MYO16: variants seen among roughly 807,000 people sequenced by gnomAD.
The protein encoded by MYO16 is unconventional myosin-XVI.
A neutral mutation model predicts 205.3 loss-of-function variants in MYO16; 94 were observed. The observed-to-expected ratio is 0.46, with a 90% confidence interval of 0.39 to 0.54. The LOEUF (loss-of-function observed/expected upper bound fraction) is 0.54. Ranked by LOEUF, MYO16 falls within the 20% of genes least tolerant of loss-of-function variation. MYO16 has a pLI of 0.00. For missense variants in MYO16, 2,315 were observed against 2,387.5 expected, an observed-to-expected ratio of 0.97 and a Z score of 0.63; for synonymous variants, 988 against 954.0, an observed-to-expected ratio of 1.04 and a Z score of -0.66.
At chr13:108,926,112 C>G (rs1881988545) in intron 16 of MYO16, among the ~76,000 whole-genome samples, 1 of 152,190 alleles carries the variant, frequency 6.6e-6, no homozygotes, top group Admixed American at 6.5e-5. Flanking sequence ...ATTTTCAGAT[C>G]TCTACTCAGA....
intron 23 of MYO16, among the ~76,000 whole-genome samples, chr13:109,044,585 A>G (rs1251409138): frequency 6.6e-6 from 1 of 152,212 alleles, no homozygotes; most frequent in Non-Finnish European, 1.5e-5. Flanking sequence ...AGAAGAAATT[A>G]TCTCAACTTC....
chr13:108,817,967 A>T (rs1875724362), intron 7 of MYO16, among the ~76,000 whole-genome samples: 1 of 152,214 alleles, frequency 6.6e-6, no homozygotes, highest in Non-Finnish European at 1.5e-5. Flanking sequence ...ACATAAAGAA[A>T]GTGGTGGTAA....
chr13:108,661,775 C>G (rs947862232), intron 1 of MYO16, among the ~76,000 whole-genome samples: 1 of 152,070 alleles, frequency 6.6e-6, no homozygotes, highest in African/African-American at 2.4e-5. Flanking sequence ...CTTCTGATTT[C>G]TTTTTCAGGT....
rs72654075 is a variant in MYO16, at chr13:108,991,480, C to T, written c.2370-896C>T. The stretch of plus-strand genomic sequence containing the variant: ...AACTTTTAAAGTGACTAAATTTGAT[C>T]CATCAAAGAACATGCATGTGACTTA... On this transcript the variant is annotated intron_variant, in intron 20 of 34. Coordinates refer to ENST00000457511, the MANE Select transcript of MYO16 (RefSeq NM_001198950.3). Among the ~76,000 whole-genome samples the T allele has an allele frequency of 4.0e-3, 605 of 152,308 alleles. 1 individual carries two copies. The highest frequency in any genetic ancestry group is 7.0e-3 in the Non-Finnish European group (475 of 68,008).
At chr13:109,024,688 T>G (rs1180000235) in intron 23 of MYO16, among the ~76,000 whole-genome samples, 2 of 152,112 alleles carry the variant, frequency 1.3e-5, no homozygotes, top group African/African-American at 4.8e-5. Context: ...ACCTTAATTT[T>G]TTAAGCAAGA....
intron 2 of MYO16, among the ~76,000 whole-genome samples, chr13:108,684,873 C>T (rs544104646): frequency 4.6e-5 from 7 of 152,286 alleles, no homozygotes; most frequent in Non-Finnish European, 7.4e-5. Context: ...GCCCCAGACC[C>T]GCCTTATGTG....
At chr13:109,080,492 G>C (rs995036268) in intron 27 of MYO16, among the ~76,000 whole-genome samples, 1 of 151,768 alleles carries the variant, frequency 6.6e-6, no homozygotes, top group Non-Finnish European at 1.5e-5. Flanking sequence ...AATATCTTGG[G>C]TTAGGAGCTT....
chr13:108,953,569 G>GT lies in MYO16; in HGVS notation c.1926-4106dup, dbSNP rs544288739. On this transcript the variant is annotated intron_variant, in intron 16 of 34. Coordinates refer to ENST00000457511, the MANE Select transcript of MYO16 (RefSeq NM_001198950.3). ...TAAAGATTTAAATGTTTTGAGTTTTGTTTTTTTTTTTTTAGAAATTGTCAA... is the reference window on the plus strand; with the variant it reads ...TAAAGATTTAAATGTTTTGAGTTTTGTTTTTTTTTTTTTTAGAAATTGTCAA... Among the ~76,000 whole-genome samples, 1,024 of 132,110 alleles carry GT rather than the reference G, an allele frequency of 7.8e-3. 1 individual carries two copies. The highest frequency in any genetic ancestry group is 0.032 in the South Asian group (132 of 4,078). The allele number at this position is 132,110 out of a possible 152,430, so 86.7% of individuals were successfully genotyped here.
intron 1 of MYO16, among the ~76,000 whole-genome samples, chr13:108,624,070 A>T (rs1424909570): frequency 6.6e-6 from 1 of 152,186 alleles, no homozygotes; most frequent in Non-Finnish European, 1.5e-5. Flanking sequence ...AAAGAGGCAT[A>T]TTTTGTTTAA....
intron 22 of MYO16, among the ~76,000 whole-genome samples, chr13:109,014,638 T>G (rs1377851463): frequency 6.6e-6 from 1 of 152,212 alleles, no homozygotes; most frequent in Non-Finnish European, 1.5e-5. Context: ...CCTCTTTTAT[T>G]TCATTGAGCA....
intron 2 of MYO16, among the ~76,000 whole-genome samples, chr13:108,682,059 C>A (rs1321334713): frequency 6.6e-6 from 1 of 152,164 alleles, no homozygotes; most frequent in Non-Finnish European, 1.5e-5. Flanking sequence ...GTTTCAGTAA[C>A]CCCCACCACG....
chr13:108,835,302 C>T (rs1335575032), intron 9 of MYO16, among the ~76,000 whole-genome samples: 1 of 152,146 alleles, frequency 6.6e-6, no homozygotes, highest in Non-Finnish European at 1.5e-5. Context: ...TCTGGCATTT[C>T]CCCCTGCTGG....
rs193018154 is a variant in MYO16 at position 108,599,788 on chromosome 13, A to G, written c.-39+3549A>G. On this transcript the variant is annotated intron_variant, in intron 1 of 24. Coordinates refer to the MYO16 transcript ENST00000251041. ...TATAATTTTCTGTCTGTCTCACAAA[A>G]CTCACATGCTTTCCCAGTTTTGGGT... 2.1e-4 allele frequency among the ~76,000 whole-genome samples: 32 copies of G among 152,228 alleles called. No homozygotes were observed. In the East Asian group the frequency reaches 5.4e-3, roughly 26 times the overall value.
Position 108,793,717 on chromosome 13 carries a change from A to G in MYO16, c.741+77A>G, listed in dbSNP as rs181583162. 9,208 of 1,401,028 alleles carry G rather than the reference A, an allele frequency of 6.6e-3. 50 individuals carry two copies. Among genetic ancestry groups the G allele is most frequent in the Admixed American group, 8.0e-3 (372 of 46,326 alleles). The allele number at this position is 1,401,028 out of a possible 1,614,324, so 86.8% of individuals were successfully genotyped here. Reference sequence around the variant, plus strand: ...ATCTATAAAACATAGAATTCATTAAATTAACCTTTAAATAATTGTTGTGAT... The same window carrying G: ...ATCTATAAAACATAGAATTCATTAAGTTAACCTTTAAATAATTGTTGTGAT... On this transcript the variant is annotated intron_variant, in intron 6 of 34. Transcript: ENST00000457511.
chr13:108,551,220 C>T, the MYO16 span, among the ~76,000 whole-genome samples: 702 of 152,228 alleles, frequency 4.6e-3, 6 homozygotes, highest in African/African-American at 0.016. Flanking sequence ...TCAAGTATAC[C>T]TAGTAACTTC....
At chr13:109,004,990 T>G (rs2139469988) in intron 21 of MYO16, among the ~76,000 whole-genome samples, 1 of 152,266 alleles carries the variant, frequency 6.6e-6, no homozygotes, top group South Asian at 2.1e-4. Context: ...CACTTAAAGG[T>G]TTAAAAGGTA....
chr13:109,012,359 C>T (rs1008642740), intron 22 of MYO16, among the ~76,000 whole-genome samples: 8 of 152,086 alleles, frequency 5.3e-5, no homozygotes, highest in South Asian at 2.1e-4. Context: ...GGCATCTCAC[C>T]GCCTGAGCTC....
At chr13:108,955,578 G>C (rs1244270187) in intron 16 of MYO16, among the ~76,000 whole-genome samples, 1 of 152,202 alleles carries the variant, frequency 6.6e-6, no homozygotes, top group Non-Finnish European at 1.5e-5. Flanking sequence ...TCTCCAGCCA[G>C]GCGCGGTGGC....
At chr13:108,628,775 T>G (rs1879845584), upstream of MYO16, among the ~76,000 whole-genome samples, 1 of 152,168 alleles carries the variant, frequency 6.6e-6, no homozygotes. Context: ...GAAGGATGGG[T>G]GCACTTAACA....
Sources: gnomAD v4.1 joint callset for allele counts (sites outside exome capture counted in the v4.1 genomes callset) on GRCh38, gnomAD v4.1.1 for gene constraint, MANE v1.5 for transcripts, NCBI Gene and HGNC (gene_info 2026-07-23, HGNC 2026-07-21) for gene names.